SLC9C1: variants seen among roughly 807,000 people sequenced by gnomAD.
SLC9C1 encodes sodium/hydrogen exchanger 10.
SLC9C1 carries 97 observed loss-of-function variants against 140.9 expected under a neutral mutation model. The ratio of observed to expected loss-of-function variants is 0.69; its 90% CI spans 0.58 to 0.82. The LOEUF (loss-of-function observed/expected upper bound fraction) is 0.82. SLC9C1 is among the 40% of genes least tolerant of loss of function. The pLI, the probability that SLC9C1 is intolerant of heterozygous loss-of-function variation, is 0.00. For synonymous variants in SLC9C1, 440 were observed against 442.6 expected, an observed-to-expected ratio of 0.99 and a Z score of 0.07; for missense variants, 1,340 against 1,389.3, an observed-to-expected ratio of 0.96 and a Z score of 0.56.
intron 13 of SLC9C1, among the ~76,000 whole-genome samples, chr3:112,230,088 C>T (rs1325488308): frequency 6.6e-6 from 1 of 152,112 alleles, no homozygotes; most frequent in Non-Finnish European, 1.5e-5. Flanking sequence ...GTTGGCTGTT[C>T]AGGTTCACCT....
intron 27 of SLC9C1, among the ~76,000 whole-genome samples, chr3:112,152,633 T>G (rs920782585): frequency 6.6e-6 from 1 of 152,166 alleles, no homozygotes; most frequent in African/African-American, 2.4e-5. Context: ...AGGCCATATC[T>G]CAGGCTGTCT....
intron 15 of SLC9C1, among the ~76,000 whole-genome samples, chr3:112,211,172 G>A (rs1192271728): frequency 6.6e-6 from 1 of 152,148 alleles, no homozygotes; most frequent in East Asian, 1.9e-4. Flanking sequence ...TTTTTAAAAA[G>A]AAATTTCATT....
rs781706858 is a variant in SLC9C1 at position 112,277,769 on chromosome 3, G to A, written c.410C>T (p.Thr137Ile). The part of the protein sequence containing the change: ...ASVNQLLLKP[T>I]QWLLFSAILV... ...GATAGCTGAAAATAATAACCATTGGGTAGGCTTCAAAAGTAATTGATTTAC... is the reference window on the plus strand; with the variant it reads ...GATAGCTGAAAATAATAACCATTGGATAGGCTTCAAAAGTAATTGATTTAC... The change falls in exon 5 of 29, where the codon ACC becomes ATC. Residue 137 changes from threonine to isoleucine, a missense_variant. By Grantham distance (89) the Thr-to-Ile change is moderately conservative. Transcript: ENST00000305815. 6.2e-7 allele frequency: 1 copy of A among 1,612,594 alleles called. No homozygotes were observed. The highest frequency in any genetic ancestry group is 2.2e-5 in the East Asian group (1 of 44,812).
At chr3:112,146,395 G>T (rs4682360) in intron 28 of SLC9C1, among the ~76,000 whole-genome samples, 152,323 of 152,328 alleles carry the variant, frequency 1, 76,159 homozygotes, top group Non-Finnish European at 1. Context: ...GTTCCTAAGG[G>T]GTGAAATTAG....
intron 3 of SLC9C1, 45 bp downstream of exon 3, chr3:112,280,638 T>G: frequency 1.3e-6 from 2 of 1,506,588 alleles, no homozygotes; most frequent in Non-Finnish European, 1.8e-6. Context: ...TGCATTTATA[T>G]AATTCTCAAA....
chr3:112,180,827 C>G (rs1381099089), intron 21 of SLC9C1, among the ~76,000 whole-genome samples, 165 bp from the exon 22 acceptor site: 2 of 152,330 alleles, frequency 1.3e-5, no homozygotes, highest in Middle Eastern at 6.8e-3. Context: ...CCTCCCCCTC[C>G]TGGGTTCAAG....
intron 12 of SLC9C1, among the ~76,000 whole-genome samples, chr3:112,239,529 C>A (rs1278595138): frequency 6.6e-6 from 1 of 152,230 alleles, no homozygotes; most frequent in Non-Finnish European, 1.5e-5. Context: ...GCAGAAATCA[C>A]CCGTCTTCTG....
chr3:112,182,397 T>C (rs1217614110), intron 20 of SLC9C1, 139 bp from the exon 21 acceptor site: 1 of 882,906 alleles, frequency 1.1e-6, no homozygotes, highest in African/African-American at 1.7e-5. Context: ...AACCTCTCTT[T>C]ATATCATGAT....
chr3:112,254,548 A>G (rs1360548447), intron 10 of SLC9C1, among the ~76,000 whole-genome samples: 1 of 152,152 alleles, frequency 6.6e-6, no homozygotes, highest in East Asian at 1.9e-4. Flanking sequence ...ATACTGAAGG[A>G]GTTGGTTACC....
chr3:112,199,242 G>A (rs2077840763), intron 20 of SLC9C1, 79 bp downstream of exon 20: 1 of 1,173,808 alleles, frequency 8.5e-7, no homozygotes, highest in Admixed American at 2.8e-5. Context: ...GCCTGTATTA[G>A]AAGTCAAATG....
chr3:112,231,635 C>A, intron 12 of SLC9C1, 149 bp from the exon 13 acceptor site: 1 of 738,694 alleles, frequency 1.4e-6, no homozygotes, highest in Non-Finnish European at 2.2e-6. Flanking sequence ...TCATCATTTG[C>A]TCAAATGTCC....
chr3:112,199,224 T>G (rs1214996375), intron 20 of SLC9C1, 97 bp downstream of exon 20: 3 of 967,340 alleles, frequency 3.1e-6, no homozygotes, highest in Non-Finnish European at 4.3e-6. Flanking sequence ...TTTCCTATCT[T>G]AGAAATGGCC....
intron 15 of SLC9C1, among the ~76,000 whole-genome samples, chr3:112,211,582 C>G (rs1049279530): frequency 1.3e-5 from 2 of 152,216 alleles, no homozygotes; most frequent in Non-Finnish European, 2.9e-5. Context: ...CTCGGAGGGT[C>G]CCACGCCCAC....
intron 28 of SLC9C1, chr3:112,151,359 C>T (rs756032320): frequency 3.9e-6 from 2 of 518,912 alleles, no homozygotes; most frequent in Non-Finnish European, 7.7e-6. Flanking sequence ...CTCTTCCTTT[C>T]TTTACAAAGA....
intron 3 of SLC9C1, among the ~76,000 whole-genome samples, chr3:112,280,431 A>AGTAGCTGTATGTACTCAGTAGC (rs11280983): frequency 6.6e-6 from 1 of 151,340 alleles, no homozygotes; most frequent in Non-Finnish European, 1.5e-5. Context: ...TAATACTTTT[A>AGTAGCTGTATGTACTCAGTAGC]TGTATGTACT....
chr3:112,226,690 C>G (rs191108688), intron 13 of SLC9C1, among the ~76,000 whole-genome samples: 45 of 150,274 alleles, frequency 3.0e-4, no homozygotes, highest in Non-Finnish European at 4.7e-4. Flanking sequence ...CCACTGCAAT[C>G]CAGCCTGGGC....
rs2077847961 is a variant in SLC9C1 at position 112,199,415 on chromosome 3, T to C, written c.2429A>G (p.Glu810Gly). ...EIAVTVKTKE[E>G]INVMLNMATE... ...AGCCATATTGAGCATAACATTAATT[T>C]CTTCCTTTGTTTTCACAGTGACAGC... The change falls in exon 20 of 29, where the codon GAA becomes GGA. Residue 810 changes from glutamate (E) to glycine (G), a missense_variant. Glu to Gly is a moderately conservative substitution (Grantham distance 98). Transcript: ENST00000305815. The C allele has an allele frequency of 6.2e-7, 1 of 1,600,198 alleles. No homozygotes were observed.
At chr3:112,261,387 A>G (rs1479255380) in intron 10 of SLC9C1, among the ~76,000 whole-genome samples, 1 of 152,132 alleles carries the variant, frequency 6.6e-6, no homozygotes, top group Non-Finnish European at 1.5e-5. Flanking sequence ...TAATAATACA[A>G]TATACGAGGC....
At position 112,228,441 on chromosome 3, in the gene SLC9C1, G is replaced by A. The variant is rs114754572; in HGVS notation, c.1572+2920C>T. On this transcript the variant is annotated intron_variant, in intron 13 of 28. Coordinates refer to ENST00000305815, the MANE Select transcript of SLC9C1 (RefSeq NM_183061.3). ...AACTATGAAACCACTAGAAGAAAACGGAGGAGAAACACTTCAAGTCATTGG... is the reference window on the plus strand; with the variant it reads ...AACTATGAAACCACTAGAAGAAAACAGAGGAGAAACACTTCAAGTCATTGG... 6.9e-3 allele frequency among the ~76,000 whole-genome samples: 1,042 copies of A among 151,962 alleles called. 11 individuals carry two copies. Among genetic ancestry groups the A allele is most frequent in the African/African-American group, 0.023 (959 of 41,478 alleles).
Sources: allele counts gnomAD v4.1 joint callset (sites outside exome capture counted in the v4.1 genomes callset), GRCh38; gene constraint gnomAD v4.1.1; transcripts MANE v1.5; gene names NCBI Gene and HGNC (gene_info 2026-07-23, HGNC 2026-07-21).